SINHCAF: variants seen among roughly 807,000 people sequenced by gnomAD.
SINHCAF encodes the protein SIN3-HDAC complex associated factor, also known as SIN3-HDAC complex-associated factor.
In SINHCAF, 3 loss-of-function variants were observed where a neutral mutation model predicts 25.8. That is an observed-to-expected ratio of 0.12 (90% CI 0.05 to 0.30). The LOEUF (loss-of-function observed/expected upper bound fraction) is 0.30, where lower values mean the gene tolerates loss of function less well. Among genes scored for constraint, SINHCAF ranks in the 10% least tolerant of loss-of-function variants. The pLI is 1.00. For missense variants in SINHCAF, 121 were observed against 262.3 expected, an observed-to-expected ratio of 0.46 and a Z score of 3.72; for synonymous variants, 70 against 85.5, an observed-to-expected ratio of 0.82 and a Z score of 1.00.
chr12:31,286,598 G>T (rs1446279384), intron 5 of SINHCAF, among the ~76,000 whole-genome samples: 3 of 151,656 alleles, frequency 2.0e-5, no homozygotes, highest in African/African-American at 7.3e-5. Flanking sequence ...GGGAGGCAGA[G>T]GCTGCAGTGA....
chr12:31,291,025 G>A (rs1183480910), intron 4 of SINHCAF, among the ~76,000 whole-genome samples: 1 of 151,980 alleles, frequency 6.6e-6, no homozygotes, highest in Non-Finnish European at 1.5e-5. Flanking sequence ...AGCCCAAACT[G>A]CAATTTTAAG....
rs1939879457 is a variant in SINHCAF at position 31,324,652 on chromosome 12, C to T, written c.-21+1372G>A. 1 of 310,552 alleles carries T rather than the reference C, an allele frequency of 3.2e-6. No homozygotes were observed. The allele number at this position is 310,552 out of a possible 1,614,324, so 19.2% of individuals were successfully genotyped here. A position where few individuals can be genotyped will look rare whatever the true frequency, so the allele number is the denominator to read the frequency against. On this transcript the variant is annotated intron_variant, in intron 1 of 5. Coordinates refer to ENST00000337682, the MANE Select transcript of SINHCAF (RefSeq NM_001135812.2). This position sits in a 1 kb window ranked among gnomAD's most constrained non-coding sequence, Gnocchi z 5.5. ...GGGGCCCGCACGGGCACATGCAGCC[C>T]TTTGTTTTCTGTCCAGCCGGGCGCT... is the stretch of plus-strand genomic sequence containing the variant.
intron 4 of SINHCAF, among the ~76,000 whole-genome samples, chr12:31,290,827 T>C (rs1327024982): frequency 6.6e-6 from 1 of 152,130 alleles, no homozygotes; most frequent in East Asian, 1.9e-4. Flanking sequence ...TCAAGCAATT[T>C]TCTTGCCTCT....
Position 31,282,701 on chromosome 12 carries a change from A to G in SINHCAF, c.*11T>C, listed in dbSNP as rs138506166. The G allele has an allele frequency of 3.7e-3, 5,685 of 1,544,130 alleles. 197 individuals are homozygous for G. The African/African-American group carries it at 0.072, about 20-fold the overall frequency. ...TTTTTTTTTTGTTCCCCTTCTACAT[A>G]AAAACCTCAGTCACCACTCCTGAGT... On this transcript the variant is annotated 3_prime_UTR_variant, in exon 6 of 6. Coordinates refer to ENST00000337682, the MANE Select transcript of SINHCAF (RefSeq NM_001135812.2).
chr12:31,299,015 T>C (rs1298172925), intron 1 of SINHCAF, among the ~76,000 whole-genome samples: 1 of 148,824 alleles, frequency 6.7e-6, no homozygotes, highest in Non-Finnish European at 1.5e-5. Flanking sequence ...AGACGTAGAG[T>C]GAAATAAATT....
intron 1 of SINHCAF, among the ~76,000 whole-genome samples, chr12:31,310,490 T>C (rs1939222400): frequency 6.6e-6 from 1 of 152,202 alleles, no homozygotes; most frequent in South Asian, 2.1e-4. Context: ...TTTCTTGTAG[T>C]AGTGACAGAC....
chr12:31,315,692 A>G (rs1457396319), intron 1 of SINHCAF, among the ~76,000 whole-genome samples: 3 of 152,206 alleles, frequency 2.0e-5, no homozygotes. Flanking sequence ...TTAGAGGAGG[A>G]CTGTGTTGAT....
chr12:31,284,225 G>A (rs1195195429), intron 5 of SINHCAF, among the ~76,000 whole-genome samples: 1 of 152,012 alleles, frequency 6.6e-6, no homozygotes, highest in Non-Finnish European at 1.5e-5. Flanking sequence ...CTTTATTTTA[G>A]TTTTTTCACC....
In SINHCAF at chr12:31,282,700, TA is replaced by T; in HGVS notation, c.*11del. ...TTTTTTTTTTTGTTCCCCTTCTACATAAAAACCTCAGTCACCACTCCTGAGT... is the reference window on the plus strand; with the variant it reads ...TTTTTTTTTTTGTTCCCCTTCTACATAAAACCTCAGTCACCACTCCTGAGT... On this transcript the variant is annotated 3_prime_UTR_variant, in exon 6 of 6. Coordinates refer to ENST00000337682, the MANE Select transcript of SINHCAF (RefSeq NM_001135812.2). 6.5e-7 allele frequency: 1 copy of T among 1,541,672 alleles called. No individual in the cohort carries two copies.
chr12:31,314,712 CAAGA>C (rs1295656976), intron 1 of SINHCAF, among the ~76,000 whole-genome samples: 4 of 152,150 alleles, frequency 2.6e-5, no homozygotes, highest in Non-Finnish European at 4.4e-5. Flanking sequence ...TTGCTACTTT[CAAGA>C]TACCACTGGA....
Position 31,293,902 on chromosome 12 carries a change from T to C in SINHCAF, c.258A>G (p.Leu86=), listed in dbSNP as rs760860183. Residue 86 remains leucine, a synonymous_variant, in exon 4 of 6, where the codon CTA becomes CTG. Transcript: ENST00000337682. The stretch of plus-strand genomic sequence containing the variant: ...CTTTCTTTGGTTTCAATGTAGTCTT[T>C]AGACTGGGTCCAGCCCTTGCATCTA... ...HVVDARAGPS[L]KTTLKPKKVK... is the part of the protein sequence containing the mutation. The C allele has an allele frequency of 3.1e-6, 5 of 1,612,970 alleles. No individual in the cohort carries two copies. The highest frequency in any genetic ancestry group is 2.2e-5 in the South Asian group (2 of 90,982).
chr12:31,295,809 TTGCAG>T (rs1938523852), intron 2 of SINHCAF, among the ~76,000 whole-genome samples: 1 of 151,764 alleles, frequency 6.6e-6, no homozygotes, highest in African/African-American at 2.4e-5. Context: ...GAAGCAGAGG[TTGCAG>T]TGAGCCAAGA....
intron 1 of SINHCAF, among the ~76,000 whole-genome samples, chr12:31,319,161 A>ATAGT (rs1939607567): frequency 6.6e-6 from 1 of 152,330 alleles, no homozygotes; most frequent in African/African-American, 2.4e-5. Context: ...TGGATACATG[A>ATAGT]TAGTATACAC....
At chr12:31,316,835 G>A (rs1939513507) in intron 1 of SINHCAF, among the ~76,000 whole-genome samples, 1 of 152,156 alleles carries the variant, frequency 6.6e-6, no homozygotes. Flanking sequence ...TGGAATAGGA[G>A]ACAGAGAAAA....
intron 1 of SINHCAF, chr12:31,323,812 C>T (rs1939814499): frequency 1.0e-5 from 4 of 392,942 alleles, no homozygotes; most frequent in Admixed American, 2.8e-5. Flanking sequence ...GTTTATCGGG[C>T]GTCGTCGGGG....
chr12:31,291,407 T>A (rs570673366), intron 4 of SINHCAF, among the ~76,000 whole-genome samples: 18 of 152,212 alleles, frequency 1.2e-4, no homozygotes, highest in Non-Finnish European at 2.4e-4. Context: ...AGAGCTGATA[T>A]TCAAATCCAG....
Position 31,281,522 on chromosome 12 carries a change from G to A in SINHCAF, c.*1190C>T, listed in dbSNP as rs1937795073. 1.3e-5 allele frequency: 2 copies of A among 152,210 alleles called. No homozygotes were observed. Among genetic ancestry groups the A allele is most frequent in the South Asian group, 4.1e-4 (2 of 4,830 alleles). The allele number at this position is 152,210 out of a possible 1,614,324, so 9.4% of individuals were successfully genotyped here. A position where few individuals can be genotyped will look rare whatever the true frequency, so the allele number is the denominator to read the frequency against. On this transcript the variant is annotated 3_prime_UTR_variant, in exon 6 of 6. Coordinates refer to ENST00000337682, the MANE Select transcript of SINHCAF (RefSeq NM_001135812.2). ...CTGAATTGTGCAGATTTTCAATGAA[G>A]TCACAGAAGTCATGTAACACAAACA...
intron 1 of SINHCAF, among the ~76,000 whole-genome samples, chr12:31,320,845 G>A (rs531051461): frequency 1.3e-3 from 200 of 152,218 alleles, no homozygotes; most frequent in African/African-American, 4.6e-3. Context: ...AAGGAAATTA[G>A]ACTAGTGTGG....
At chr12:31,285,418 T>TACATACACACAC (rs1555110959) in intron 5 of SINHCAF, among the ~76,000 whole-genome samples, 3 of 141,356 alleles carry the variant, frequency 2.1e-5, no homozygotes, top group Non-Finnish European at 3.1e-5. Context: ...TATATATACA[T>TACATACACACAC]ACACACACAC....
Sources: allele counts gnomAD v4.1 joint callset (sites outside exome capture counted in the v4.1 genomes callset), GRCh38; gene constraint gnomAD v4.1.1; non-coding constraint Gnocchi (gnomAD v3.1); transcripts MANE v1.5; gene names NCBI Gene and HGNC (gene_info 2026-07-23, HGNC 2026-07-21).